Variants in CTNNA2 observed in about 807,000 individuals in gnomAD.
CTNNA2 encodes catenin alpha 2, also known as catenin alpha-2.
A neutral mutation model predicts 101.0 loss-of-function variants in CTNNA2; 42 were observed. The ratio of observed to expected loss-of-function variants is 0.42; its 90% CI spans 0.32 to 0.54. CTNNA2 has a LOEUF of 0.54. Ranked by LOEUF, CTNNA2 falls within the 20% of genes least tolerant of loss-of-function variation. The pLI is 0.14. For synonymous variants in CTNNA2, 450 were observed against 456.4 expected (o/e 0.99, Z 0.18); for missense variants, 871 against 1,223.1 (o/e 0.71, Z 4.29).
intron 6 of CTNNA2, among the ~76,000 whole-genome samples, chr2:79,906,148 A>C (rs771263116): frequency 3.9e-5 from 6 of 152,140 alleles, no homozygotes; most frequent in Non-Finnish European, 7.4e-5. Flanking sequence ...GTACACATAC[A>C]TGCATCCACT....
At chr2:79,863,807 G>A (rs1681823149) in intron 4 of CTNNA2, among the ~76,000 whole-genome samples, 1 of 152,100 alleles carries the variant, frequency 6.6e-6, no homozygotes. Flanking sequence ...GATGACAAAG[G>A]AGTCACTAAG....
At chr2:80,545,689 C>T (rs1239489079) in intron 10 of CTNNA2, among the ~76,000 whole-genome samples, 1 of 152,100 alleles carries the variant, frequency 6.6e-6, no homozygotes, top group Non-Finnish European at 1.5e-5. Context: ...TTTTTGAAAC[C>T]CGAGGCAAAC....
At chr2:80,023,502 T>C (rs1158184594) in intron 7 of CTNNA2, among the ~76,000 whole-genome samples, 2 of 152,208 alleles carry the variant, frequency 1.3e-5, no homozygotes, top group African/African-American at 4.8e-5. Flanking sequence ...AGGCAATCCC[T>C]TTCTGTTCTA....
At chr2:80,131,350 T>C (rs1371309317) in intron 7 of CTNNA2, among the ~76,000 whole-genome samples, 1 of 152,180 alleles carries the variant, frequency 6.6e-6, no homozygotes, top group African/African-American at 2.4e-5. Flanking sequence ...TAAGCCACTG[T>C]ACTATGGTCA....
At chr2:79,185,718 A>C (rs1673768794) in intron 1 of CTNNA2, among the ~76,000 whole-genome samples, 1 of 152,226 alleles carries the variant, frequency 6.6e-6, no homozygotes, top group East Asian at 1.9e-4. Context: ...CTGACACAGA[A>C]GAGTATTTAA....
intron 4 of CTNNA2, among the ~76,000 whole-genome samples, chr2:79,389,504 T>A (rs942892234): frequency 6.6e-6 from 1 of 152,222 alleles, no homozygotes; most frequent in African/African-American, 2.4e-5. Context: ...TTTAAAAATA[T>A]TTGTGCCGAA....
intron 7 of CTNNA2, among the ~76,000 whole-genome samples, chr2:80,202,255 A>G (rs1707255717): frequency 6.6e-6 from 1 of 152,202 alleles, no homozygotes. Context: ...ATAGCTCAGC[A>G]CCTGTATGAA....
chr2:80,519,234 A>G (rs1403743588), intron 9 of CTNNA2, among the ~76,000 whole-genome samples: 2 of 152,168 alleles, frequency 1.3e-5, no homozygotes, highest in Non-Finnish European at 2.9e-5. Context: ...CTGTAGGAAA[A>G]CAGATTAGCA....
intron 4 of CTNNA2, among the ~76,000 whole-genome samples, chr2:79,409,255 T>C (rs1220404274): frequency 6.6e-6 from 1 of 152,160 alleles, no homozygotes; most frequent in East Asian, 1.9e-4. Context: ...AGGTTGCCTG[T>C]TCAGTCTGAT....
At chr2:80,380,253 A>G (rs571630656) in intron 7 of CTNNA2, among the ~76,000 whole-genome samples, 57 of 151,962 alleles carry the variant, frequency 3.8e-4, no homozygotes, top group East Asian at 1.6e-3. Context: ...AGCCAGGATA[A>G]TCTCGATCTC....
chr2:80,056,680 T>C (rs376312155), intron 7 of CTNNA2, among the ~76,000 whole-genome samples: 3 of 152,338 alleles, frequency 2.0e-5, no homozygotes, highest in South Asian at 2.1e-4. Flanking sequence ...CCAATGCAAG[T>C]GTTTCATCTG....
rs546713211 is a variant in CTNNA2 at position 80,165,836 on chromosome 2, G to C, written c.1057-227375G>C. Among the ~76,000 whole-genome samples, 7 of 152,152 alleles carry C rather than the reference G, an allele frequency of 4.6e-5. No homozygotes were observed. In the East Asian group the frequency reaches 1.4e-3, roughly 30 times the overall value. On this transcript the variant is annotated intron_variant, in intron 7 of 18. Transcript: ENST00000402739. ...GATCACAGTCTTGGCGTTCTACTTG[G>C]GCTTCTCTGATACCACCCTGGTGTG...
intron 17 of CTNNA2, among the ~76,000 whole-genome samples, chr2:80,612,739 C>CT (rs1698567534): frequency 6.6e-6 from 1 of 151,288 alleles, no homozygotes. Context: ...ATTAAGCAAC[C>CT]TTTTTTTCTT....
At chr2:80,153,648 G>T (rs1189051359) in intron 7 of CTNNA2, among the ~76,000 whole-genome samples, 3 of 152,168 alleles carry the variant, frequency 2.0e-5, no homozygotes, top group African/African-American at 7.2e-5. Flanking sequence ...CATAGATGAG[G>T]CTTTATAGCA....
chr2:80,473,756 A>G (rs927162214), intron 9 of CTNNA2, among the ~76,000 whole-genome samples: 3 of 152,180 alleles, frequency 2.0e-5, no homozygotes, highest in African/African-American at 7.2e-5. Flanking sequence ...AGTGATCAAA[A>G]ATATCTCTAG....
chr2:80,390,212 C>T (rs564297864), intron 7 of CTNNA2, among the ~76,000 whole-genome samples: 15 of 152,300 alleles, frequency 9.8e-5, no homozygotes, highest in Admixed American at 7.8e-4. Context: ...TTTTCTCTTT[C>T]CTCTGTGACT....
chr2:79,335,385 C>G (rs1039995919), intron 3 of CTNNA2, among the ~76,000 whole-genome samples: 1 of 152,150 alleles, frequency 6.6e-6, no homozygotes, highest in Non-Finnish European at 1.5e-5. Flanking sequence ...AGTGACTAAG[C>G]CAGATCTAGA....
At chr2:80,161,282 C>T (rs1431752288) in intron 7 of CTNNA2, among the ~76,000 whole-genome samples, 4 of 152,238 alleles carry the variant, frequency 2.6e-5, no homozygotes, top group Non-Finnish European at 4.4e-5. Flanking sequence ...TCCCAAAGTG[C>T]TGGGATTACA....
intron 7 of CTNNA2, among the ~76,000 whole-genome samples, chr2:80,372,993 G>C (rs544572353): frequency 2.6e-5 from 4 of 152,200 alleles, no homozygotes; most frequent in Non-Finnish European, 5.9e-5. Context: ...AGCTCAGAAT[G>C]TCAATAGTGC....
Sources: gnomAD v4.1 joint callset for allele counts (sites outside exome capture counted in the v4.1 genomes callset) on GRCh38, gnomAD v4.1.1 for gene constraint, MANE v1.5 for transcripts, NCBI Gene and HGNC (gene_info 2026-07-23, HGNC 2026-07-21) for gene names.